Variants in MEMO1 observed in about 807,000 individuals in gnomAD.
MEMO1 encodes the protein protein MEMO1.
A neutral mutation model predicts 45.2 loss-of-function variants in MEMO1; 6 were observed. The observed-to-expected ratio is 0.13, with a 90% confidence interval of 0.07 to 0.26. MEMO1 has a LOEUF of 0.26. Among genes scored for constraint, MEMO1 ranks in the 10% least tolerant of loss-of-function variants. MEMO1 has a pLI of 1.00. For missense variants in MEMO1, 184 were observed against 370.5 expected (o/e 0.50, Z 4.13); for synonymous variants, 78 against 124.3 (o/e 0.63, Z 2.48).
At chr2:31,946,222 T>C (rs1341403291) in intron 2 of MEMO1, among the ~76,000 whole-genome samples, 2 of 152,194 alleles carry the variant, frequency 1.3e-5, no homozygotes, top group Admixed American at 6.5e-5. Flanking sequence ...TTTTTGTCAA[T>C]CTGGATATGA....
chr2:31,961,618 CA>C (rs34896289), intron 2 of MEMO1, among the ~76,000 whole-genome samples: 17,673 of 145,960 alleles, frequency 0.12, 1,112 homozygotes, highest in Middle Eastern at 0.2. Flanking sequence ...TAAAAAAAAA[CA>C]AAAAAAAAAC....
intron 2 of MEMO1, among the ~76,000 whole-genome samples, chr2:32,004,050 T>C (rs1673740574): frequency 1.3e-5 from 2 of 152,150 alleles, no homozygotes; most frequent in African/African-American, 4.8e-5. Flanking sequence ...CCAGGCATGA[T>C]AGTACATGCC....
chr2:31,960,943 A>G (rs1029642719), intron 2 of MEMO1, among the ~76,000 whole-genome samples: 1 of 152,252 alleles, frequency 6.6e-6, no homozygotes, highest in Non-Finnish European at 1.5e-5. Context: ...GAAAAGGACC[A>G]AATTTTTTTA....
chr2:31,906,556 C>T lies in MEMO1; in HGVS notation c.437+11370G>A, dbSNP rs1295891427. ...GCCAGGATGGTCTTGAACTCCTGAC[C>T]TCATGATCCGCCCACCTTGGCCTCC... On this transcript the variant is annotated intron_variant, in intron 6 of 9. Coordinates refer to ENST00000404530, the MANE Select transcript of MEMO1 (RefSeq NM_001301833.4). Among the ~76,000 whole-genome samples the T allele has an allele frequency of 3.9e-5, 6 of 152,074 alleles. No individual in the cohort carries two copies. In the East Asian group the frequency reaches 1.2e-3, roughly 29 times the overall value.
In MEMO1 at chr2:31,873,453, A is replaced by G. The variant is rs527579724; in HGVS notation, c.658-3501T>C. ...TGAATATTTGTGATGTCAAATTCCA[A>G]GTGGCAACCCCAAACTAAATAGGCA... is the stretch of plus-strand genomic sequence containing the variant. On this transcript the variant is annotated intron_variant, in intron 8 of 9. Transcript: ENST00000404530. Among the ~76,000 whole-genome samples, 20 of 152,282 alleles carry G rather than the reference A, an allele frequency of 1.3e-4. 1 individual carries two copies. The South Asian group carries it at 4.1e-3, about 32-fold the overall frequency.
At chr2:31,987,194 G>A (rs1321011207) in intron 2 of MEMO1, among the ~76,000 whole-genome samples, 1 of 151,828 alleles carries the variant, frequency 6.6e-6, no homozygotes, top group Non-Finnish European at 1.5e-5. Context: ...CTAGAAAAGG[G>A]GTCTCGCTAT....
At chr2:31,880,471 T>C (rs1330867070) in intron 8 of MEMO1, among the ~76,000 whole-genome samples, 7 of 152,226 alleles carry the variant, frequency 4.6e-5, no homozygotes, top group African/African-American at 1.4e-4. Flanking sequence ...TAATAAAATA[T>C]ACTACATGAT....
intron 6 of MEMO1, among the ~76,000 whole-genome samples, chr2:31,917,615 T>C: frequency 6.6e-6 from 1 of 152,232 alleles, no homozygotes; most frequent in East Asian, 1.9e-4. Flanking sequence ...GTAATTATTA[T>C]TCTGAGATAA....
chr2:31,878,209 C>T (rs1238845977), intron 8 of MEMO1, among the ~76,000 whole-genome samples: 1 of 152,004 alleles, frequency 6.6e-6, no homozygotes, highest in Non-Finnish European at 1.5e-5. Context: ...TTAGTGTGTC[C>T]ACGGTAGAGT....
chr2:31,996,916 A>G (rs974341371), intron 2 of MEMO1, among the ~76,000 whole-genome samples: 3 of 152,162 alleles, frequency 2.0e-5, no homozygotes, highest in Non-Finnish European at 4.4e-5. Flanking sequence ...ATTACTTTCA[A>G]AAGAACATGG....
At chr2:31,914,989 A>C (rs1681213597) in intron 6 of MEMO1, among the ~76,000 whole-genome samples, 2 of 147,548 alleles carry the variant, frequency 1.4e-5, no homozygotes, top group Non-Finnish European at 3.0e-5. Context: ...AAAAGAGGCC[A>C]GGCACAGTGG....
At chr2:31,896,967 A>G (rs1296489249) in intron 6 of MEMO1, among the ~76,000 whole-genome samples, 1 of 152,066 alleles carries the variant, frequency 6.6e-6, no homozygotes, top group Non-Finnish European at 1.5e-5. Flanking sequence ...ATTCCTAAGT[A>G]TTTTATTCTC....
At chr2:31,996,793 T>C (rs991091911) in intron 2 of MEMO1, among the ~76,000 whole-genome samples, 2 of 152,252 alleles carry the variant, frequency 1.3e-5, no homozygotes, top group Middle Eastern at 3.4e-3. Flanking sequence ...TGTGGTCGTG[T>C]AATCATAGCT....
intron 3 of MEMO1, among the ~76,000 whole-genome samples, chr2:31,938,332 A>T (rs565719432): frequency 6.6e-6 from 1 of 152,008 alleles, no homozygotes; most frequent in South Asian, 2.1e-4. Flanking sequence ...GATATGATTT[A>T]TGCCTATAAA....
At chr2:31,987,633 G>C (rs577919543) in intron 2 of MEMO1, among the ~76,000 whole-genome samples, 2 of 152,300 alleles carry the variant, frequency 1.3e-5, no homozygotes, top group African/African-American at 4.8e-5. Flanking sequence ...CTCCTGCCCT[G>C]TGCCAGATAG....
At chr2:31,980,039 T>C (rs368258371) in intron 2 of MEMO1, among the ~76,000 whole-genome samples, 2 of 150,882 alleles carry the variant, frequency 1.3e-5, no homozygotes, top group Non-Finnish European at 1.5e-5. Flanking sequence ...AAAAAAACTG[T>C]CTTAACTCAG....
At chr2:31,881,777 G>C (rs887251507) in intron 8 of MEMO1, among the ~76,000 whole-genome samples, 2 of 152,128 alleles carry the variant, frequency 1.3e-5, no homozygotes, top group African/African-American at 4.8e-5. Context: ...GGAGGCAGGA[G>C]GGTTGCTTGA....
At chr2:31,964,630 G>A (rs1179354105) in intron 2 of MEMO1, among the ~76,000 whole-genome samples, 1 of 152,146 alleles carries the variant, frequency 6.6e-6, no homozygotes, top group Admixed American at 6.5e-5. Flanking sequence ...GCACCTGGGA[G>A]GCGGAGGTTG....
intron 7 of MEMO1, among the ~76,000 whole-genome samples, chr2:31,889,522 C>T (rs1175753243): frequency 3.3e-5 from 5 of 152,006 alleles, no homozygotes; most frequent in African/African-American, 4.8e-5. Flanking sequence ...AGATACCCAT[C>T]GCCACTACAA....
Sources: gnomAD v4.1 joint callset for allele counts (sites outside exome capture counted in the v4.1 genomes callset) on GRCh38, gnomAD v4.1.1 for gene constraint, MANE v1.5 for transcripts, NCBI Gene and HGNC (gene_info 2026-07-23, HGNC 2026-07-21) for gene names.